Variants in ZBTB14 observed in about 807,000 individuals in gnomAD.
The protein encoded by ZBTB14 is zinc finger and BTB domain containing 14.
ZBTB14 carries 8 observed loss-of-function variants against 29.5 expected under a neutral mutation model. The observed-to-expected ratio is 0.27, with a 90% CI of 0.16 to 0.49. The LOEUF (loss-of-function observed/expected upper bound fraction) is 0.49. ZBTB14 is among the 20% of genes least tolerant of loss of function. The pLI is 0.99. For synonymous variants in ZBTB14, 226 were observed against 207.2 expected (o/e 1.09, Z -0.78); for missense variants, 333 against 563.8 (o/e 0.59, Z 4.15).
intron 1 of ZBTB14, among the ~76,000 whole-genome samples, chr18:5,295,049 G>C (rs759894628): frequency 6.6e-4 from 100 of 151,876 alleles, no homozygotes; most frequent in Non-Finnish European, 1.3e-3. Flanking sequence ...GTGGTGAAAG[G>C]GCCACTTTCC....
At position 5,291,519 on chromosome 18, in the gene ZBTB14, T is replaced by C; in HGVS notation, c.689A>G (p.Asp230Gly). The C allele has an allele frequency of 6.2e-7, 1 of 1,614,168 alleles. No individual in the cohort carries two copies. Among genetic ancestry groups the C allele is most frequent in the African/African-American group, 1.3e-5 (1 of 75,044 alleles). Residue 230 changes from aspartate (D) to glycine (G), a missense_variant, in exon 4 of 4, where the codon GAC (aspartate) becomes GGC (glycine). By Grantham distance (94) the Asp-to-Gly change is moderately conservative. Around this residue, in one of 3 missense-constraint regions of ZBTB14, gnomAD observed 126 missense variants for 132.2 expected, o/e 0.95. Coordinates refer to ENST00000651870, the MANE Select transcript of ZBTB14 (RefSeq NM_001243702.2). The surrounding 1 kb of genome is among the most constrained non-coding windows in gnomAD (Gnocchi z 5.8). ...GGCTTGAGGGGTCTGGGACCCCAAG[T>C]CTTTTGATTCTGGGGTCTCCATGGA... Reference protein sequence around the residue: ...VESMETPESKDLGSQTPQALT... With the variant: ...VESMETPESKGLGSQTPQALT...
In ZBTB14 at chr18:5,291,302, G is replaced by C. The variant is rs143791680; in HGVS notation, c.906C>G (p.Asp302Glu). Residue 302 changes from aspartate to glutamate, a missense_variant, in exon 4 of 4, where the codon GAC becomes GAG. This residue lies in a region of ZBTB14 where 140 missense variants were observed against 274.6 expected (regional missense o/e 0.51). Transcript: ENST00000651870. The surrounding 1 kb of genome is among the most constrained non-coding windows in gnomAD (Gnocchi z 5.8). ...TGCACATTTCACAAACAAATGGCCT[G>C]TCCGCCGTGTGGAGTTTCTCATGCT... ...LRKHEKLHTA[D>E]RPFVCEMCTK... is the part of the protein sequence containing the mutation. 2.8e-5 allele frequency: 46 copies of C among 1,614,206 alleles called. No homozygotes were observed. Among genetic ancestry groups the C allele is most frequent in the Admixed American group, 1.0e-4 (6 of 60,028 alleles).
chr18:5,293,618 A>G (rs2071869660), intron 2 of ZBTB14: 1 of 200,014 alleles, frequency 5.0e-6, no homozygotes, highest in Non-Finnish European at 1.0e-5. Flanking sequence ...GCTCATGTCC[A>G]TATTTGTACA....
rs1389904638 is a variant in ZBTB14 at position 5,295,638 on chromosome 18, G to C, written c.-112+14C>G. ...CCACGCCCAACCCTGGCCCACGCCC[G>C]TCCCCGCTCGCACCGCGCCGCGCCG... On this transcript the variant is annotated intron_variant, in intron 1 of 3. Transcript: ENST00000651870. 6.9e-6 allele frequency: 1 copy of C among 145,518 alleles called. No homozygotes were observed. Among genetic ancestry groups the C allele is most frequent in the Non-Finnish European group, 1.5e-5 (1 of 65,888 alleles). 9.0% of individuals were successfully genotyped at this position (145,518 alleles called of 1,614,324 possible). A position where few individuals can be genotyped will look rare whatever the true frequency, so the allele number is the denominator to read the frequency against.
Position 5,291,896 on chromosome 18 carries a change from A to G in ZBTB14, c.312T>C (p.Asp104=). 6.2e-7 allele frequency: 1 copy of G among 1,614,194 alleles called. No homozygotes were observed. The highest frequency in any genetic ancestry group is 8.5e-7 in the Non-Finnish European group (1 of 1,180,040). Residue 104 remains aspartate, a synonymous_variant, in exon 4 of 4, where the codon GAT becomes GAC. Transcript: ENST00000651870. This position sits in a 1 kb window ranked among gnomAD's most constrained non-coding sequence, Gnocchi z 5.8. ...GACCCGATGACATCATTAAGTTAAC[A>G]TCTTCTTTTTTCACGGAAATCTTTG... ...YTAKISVKKE[D]VNLMMSSGQI...
chr18:5,290,584 A>C lies in ZBTB14; in HGVS notation c.*274T>G. On this transcript the variant is annotated 3_prime_UTR_variant, in exon 4 of 4. Transcript: ENST00000651870. ...TTCTAAACTGGACACAGGAGTTCTC[A>C]AATTAAAATAATAAAAAAAAAAAAG... 2.5e-6 allele frequency: 1 copy of C among 402,120 alleles called. No homozygotes were observed. The highest frequency in any genetic ancestry group is 4.5e-5 in the East Asian group (1 of 22,244). The allele number at this position is 402,120 out of a possible 1,614,324, so 24.9% of individuals were successfully genotyped here.
chr18:5,296,401 C>G (rs1382967109), upstream of ZBTB14, among the ~76,000 whole-genome samples: 2 of 150,144 alleles, frequency 1.3e-5, no homozygotes, highest in Admixed American at 6.6e-5. Context: ...CGCCCGCGCC[C>G]GGCGCCGGCG....
chr18:5,296,452 C>G (rs2071970054), upstream of ZBTB14, among the ~76,000 whole-genome samples: 1 of 150,662 alleles, frequency 6.6e-6, no homozygotes, highest in Non-Finnish European at 1.5e-5. Context: ...CGTGCGTGTG[C>G]ATGTGCGTGG....
At chr18:5,296,393 C>T (rs983840497), upstream of ZBTB14, among the ~76,000 whole-genome samples, 21 of 150,262 alleles carry the variant, frequency 1.4e-4, no homozygotes, top group Admixed American at 3.3e-4. Flanking sequence ...TGGGCTTCCG[C>T]CCGCGCCCGG....
upstream of ZBTB14, among the ~76,000 whole-genome samples, chr18:5,296,674 T>G (rs1237190101): frequency 1.3e-5 from 2 of 151,614 alleles, no homozygotes; most frequent in Non-Finnish European, 2.9e-5. Context: ...GCAGAACAAA[T>G]GGAAAAAGCG....
At position 5,290,667 on chromosome 18, in the gene ZBTB14, G is replaced by T. The variant is rs574730892; in HGVS notation, c.*191C>A. The T allele has an allele frequency of 2.6e-6, 2 of 770,618 alleles. No individual in the cohort carries two copies. Among genetic ancestry groups the T allele is most frequent in the Non-Finnish European group, 4.0e-6 (2 of 504,302 alleles). 47.7% of individuals were successfully genotyped at this position (770,618 alleles called of 1,614,324 possible). A position where few individuals can be genotyped will look rare whatever the true frequency, so the allele number is the denominator to read the frequency against. ...TAGACACCAGACAAGACAGTGAAAC[G>T]GTTTGGTCAGAACTGAGGAACACCA... On this transcript the variant is annotated 3_prime_UTR_variant, in exon 4 of 4. Coordinates refer to ENST00000651870, the MANE Select transcript of ZBTB14 (RefSeq NM_001243702.2).
At chr18:5,294,963 T>G (rs1038434726) in intron 1 of ZBTB14, 2 of 151,920 alleles carry the variant, frequency 1.3e-5, no homozygotes, top group African/African-American at 2.4e-5. Flanking sequence ...CTCAATTTCT[T>G]TGGGCCTGGG....
chr18:5,291,985 C>T lies in ZBTB14; in HGVS notation c.223G>A (p.Val75Ile), dbSNP rs1443002906. The T allele has an allele frequency of 1.2e-6, 2 of 1,613,874 alleles. No homozygotes were observed. Among genetic ancestry groups the T allele is most frequent in the East Asian group, 2.2e-5 (1 of 44,888 alleles). ...GAACGAAGAAAATCTATTTCTATGA[C>T]CGAAGAACTATCAACCTCAAGCTTC... is the stretch of plus-strand genomic sequence containing the variant. ...FKKLEVDSSS[V>I]IEIDFLRSDI... Residue 75 changes from valine (V) to isoleucine (I), a missense_variant, in exon 4 of 4, where the codon GTC becomes ATC. Physicochemically the swap from Val to Ile is conservative, Grantham distance 29 (BLOSUM62 3). Transcript: ENST00000651870. This position sits in a 1 kb window ranked among gnomAD's most constrained non-coding sequence, Gnocchi z 5.8.
intron 1 of ZBTB14, chr18:5,294,947 C>G (rs577259279): frequency 1.3e-5 from 2 of 152,184 alleles, no homozygotes; most frequent in African/African-American, 4.8e-5. Flanking sequence ...GTATCGAGTC[C>G]TCCCTCTCAA....
At position 5,290,704 on chromosome 18, in the gene ZBTB14, A is replaced by C. The variant is rs957198320; in HGVS notation, c.*154T>G. The C allele has an allele frequency of 8.5e-7, 1 of 1,170,744 alleles. No individual in the cohort carries two copies. Among genetic ancestry groups the C allele is most frequent in the Admixed American group, 2.8e-5 (1 of 35,558 alleles). The allele number at this position is 1,170,744 out of a possible 1,614,324, so 72.5% of individuals were successfully genotyped here. A position where few individuals can be genotyped will look rare whatever the true frequency, so the allele number is the denominator to read the frequency against. ...ACTGAGGAACACCATTTCCTTGAAA[A>C]GTCTTAAAAATAGCTAACCAAGCAC... On this transcript the variant is annotated 3_prime_UTR_variant, in exon 4 of 4. Coordinates refer to ENST00000651870, the MANE Select transcript of ZBTB14 (RefSeq NM_001243702.2).
chr18:5,292,708 T>C (rs965205977), intron 3 of ZBTB14, among the ~76,000 whole-genome samples: 17 of 152,246 alleles, frequency 1.1e-4, no homozygotes, highest in African/African-American at 4.1e-4. Context: ...TCTTATTCCA[T>C]CTACTCTATG....
chr18:5,290,608 A>AT lies in ZBTB14; in HGVS notation c.*249_*250insA. ...CAAATTAAAATAATAAAAAAAAAAA[A>AT]GGGAGAGAGGTGCTTACTGGGCAAC... is the stretch of plus-strand genomic sequence containing the variant. On this transcript the variant is annotated 3_prime_UTR_variant, in exon 4 of 4. Transcript: ENST00000651870. 6.0e-6 allele frequency: 2 copies of AT among 332,372 alleles called. No individual in the cohort carries two copies. The highest frequency in any genetic ancestry group is 9.7e-6 in the Non-Finnish European group (2 of 206,976). 20.6% of individuals were successfully genotyped at this position (332,372 alleles called of 1,614,324 possible). A position where few individuals can be genotyped will look rare whatever the true frequency, so the allele number is the denominator to read the frequency against.
chr18:5,294,205 A>G (rs1251748158), intron 1 of ZBTB14, among the ~76,000 whole-genome samples: 1 of 152,250 alleles, frequency 6.6e-6, no homozygotes, highest in Non-Finnish European at 1.5e-5. Context: ...TAGAAGCGGG[A>G]TGTCTCATCT....
At chr18:5,295,326 G>C (rs2143271498) in intron 1 of ZBTB14, among the ~76,000 whole-genome samples, 1 of 144,052 alleles carries the variant, frequency 6.9e-6, no homozygotes. Flanking sequence ...CCCAAGCTCC[G>C]CGGGCGCACC....
Sources: allele counts gnomAD v4.1 joint callset (sites outside exome capture counted in the v4.1 genomes callset), GRCh38; gene constraint gnomAD v4.1.1; regional missense constraint gnomAD v4.1.1; non-coding constraint Gnocchi (gnomAD v3.1); transcripts MANE v1.5; gene names NCBI Gene and HGNC (gene_info 2026-07-23, HGNC 2026-07-21).